PAPOLA: variants seen among roughly 807,000 people sequenced by gnomAD.
PAPOLA encodes poly(A) polymerase alpha.
In PAPOLA, 15 loss-of-function variants were observed where a neutral mutation model predicts 100.6. The observed-to-expected ratio is 0.15, with a 90% confidence interval of 0.10 to 0.23. PAPOLA has a LOEUF of 0.23. Ranked by LOEUF, PAPOLA falls within the 10% of genes least tolerant of loss-of-function variation. The pLI, the probability that PAPOLA is intolerant of heterozygous loss-of-function variation, is 1.00. For missense variants in PAPOLA, 533 were observed against 884.2 expected (o/e 0.60, Z 5.04); for synonymous variants, 293 against 300.0 (o/e 0.98, Z 0.24).
chr14:96,514,824 C>G (rs1897340316), intron 1 of PAPOLA, among the ~76,000 whole-genome samples: 2 of 152,194 alleles, frequency 1.3e-5, no homozygotes, highest in African/African-American at 4.8e-5. Context: ...TAAGGTAAAT[C>G]TGCAGAGATG....
intron 17 of PAPOLA, among the ~76,000 whole-genome samples, chr14:96,554,934 T>G (rs1901173506): frequency 6.6e-6 from 1 of 152,094 alleles, no homozygotes; most frequent in African/African-American, 2.4e-5. Flanking sequence ...ATACTTAGAA[T>G]TTGGGGTAAT....
chr14:96,502,758 C>T, intron 1 of PAPOLA, 158 bp downstream of exon 1: 3 of 691,872 alleles, frequency 4.3e-6, no homozygotes, highest in Non-Finnish European at 6.3e-6. Context: ...TCCTCGCTCG[C>T]TCGCCGCCGC....
In PAPOLA at chr14:96,562,505, C is replaced by T. The variant is rs189751113; in HGVS notation, c.2068-314C>T. On this transcript the variant is annotated intron_variant, in intron 20 of 21. Coordinates refer to ENST00000216277, the MANE Select transcript of PAPOLA (RefSeq NM_032632.5). Reference sequence around the variant, plus strand: ...CTCTGTTATTGTCTGGGCAACATTTCATGATGTGCCTATGTGTGTTTTTAA... The same window carrying T: ...CTCTGTTATTGTCTGGGCAACATTTTATGATGTGCCTATGTGTGTTTTTAA... The T allele has an allele frequency of 4.2e-5, 7 of 168,240 alleles. No individual in the cohort carries two copies. The East Asian group carries it at 1.1e-3, about 27-fold the overall frequency. The allele number at this position is 168,240 out of a possible 1,614,324, so 10.4% of individuals were successfully genotyped here.
intron 12 of PAPOLA, among the ~76,000 whole-genome samples, chr14:96,539,579 A>G (rs976455616): frequency 7.2e-5 from 11 of 152,084 alleles, no homozygotes; most frequent in African/African-American, 2.7e-4. Context: ...AACTATTTTT[A>G]TTGGAAACTA....
intron 4 of PAPOLA, 117 bp downstream of exon 4, chr14:96,525,508 T>C (rs1290374117): frequency 1.9e-6 from 1 of 524,460 alleles, no homozygotes; most frequent in East Asian, 3.4e-5. Context: ...GAGAGAGTGC[T>C]TTGAGGAGTC....
At chr14:96,544,935 A>G (rs1900267927) in intron 15 of PAPOLA, among the ~76,000 whole-genome samples, 1 of 152,098 alleles carries the variant, frequency 6.6e-6, no homozygotes. Flanking sequence ...AAGGTAGTTC[A>G]TTTTAACCAA....
At position 96,547,923 on chromosome 14, in the gene PAPOLA, A is replaced by G; in HGVS notation, c.1521+5A>G. On this transcript the variant is annotated splice_donor_5th_base_variant and intron_variant, in intron 16 of 21. Coordinates refer to ENST00000216277, the MANE Select transcript of PAPOLA (RefSeq NM_032632.5). ...GTGCTTCAGAAAAAGAAAAAGGTAA[A>G]TTTAGAAAGTACTTACAAAAGCATT... is the stretch of plus-strand genomic sequence containing the variant. 1 of 1,597,956 alleles carries G rather than the reference A, an allele frequency of 6.3e-7. No homozygotes were observed. Among genetic ancestry groups the G allele is most frequent in the South Asian group, 1.1e-5 (1 of 87,964 alleles).
rs761516284 is a variant in PAPOLA, at chr14:96,502,543, G to A, written c.-50G>A. The A allele has an allele frequency of 8.9e-6, 13 of 1,460,950 alleles. No homozygotes were observed. Among genetic ancestry groups the A allele is most frequent in the South Asian group, 1.3e-5 (1 of 79,756 alleles). 90.5% of individuals were successfully genotyped at this position (1,460,950 alleles called of 1,614,324 possible). The stretch of plus-strand genomic sequence containing the variant: ...AGTGGATCATGCCCAGGGCGGCAGC[G>A]GCGGCGGTTGCGGGGGGGAAGTGAC... On this transcript the variant is annotated 5_prime_UTR_variant, in exon 1 of 22. Coordinates refer to ENST00000216277, the MANE Select transcript of PAPOLA (RefSeq NM_032632.5).
At chr14:96,512,646 T>A (rs1897179827) in intron 1 of PAPOLA, among the ~76,000 whole-genome samples, 1 of 152,074 alleles carries the variant, frequency 6.6e-6, no homozygotes, top group African/African-American at 2.4e-5. Flanking sequence ...ATTCTGCAAC[T>A]TTTTTTTCTC....
chr14:96,518,172 A>G (rs1476847732), intron 1 of PAPOLA, among the ~76,000 whole-genome samples: 1 of 152,218 alleles, frequency 6.6e-6, no homozygotes, highest in Non-Finnish European at 1.5e-5. Flanking sequence ...TCTGAATTAA[A>G]ATTAAGACAG....
intron 17 of PAPOLA, among the ~76,000 whole-genome samples, chr14:96,554,496 G>A (rs1901123127): frequency 6.6e-6 from 1 of 152,146 alleles, no homozygotes; most frequent in East Asian, 1.9e-4. Context: ...GTTCCCTGTG[G>A]ATGTCATGTA....
intron 13 of PAPOLA, 115 bp from the exon 14 acceptor site, chr14:96,542,659 T>C: frequency 2.0e-6 from 2 of 980,990 alleles, no homozygotes; most frequent in Non-Finnish European, 3.0e-6. Context: ...AACATAAGGC[T>C]TCTGGTTTTA....
rs10533972 is a variant in PAPOLA, at chr14:96,532,284, T to TTG, written c.608-25_608-24dup. The TTG allele has an allele frequency of 6.4e-3, 9,111 of 1,429,908 alleles. 9 individuals are homozygous for TTG. The highest frequency in any genetic ancestry group is 0.014 in the African/African-American group (954 of 67,090). 88.6% of individuals were successfully genotyped at this position (1,429,908 alleles called of 1,614,324 possible). Reference sequence around the variant, plus strand: ...TTGTTTTTTTTTGTTTTGTTTTGTTTTGTGTGTGTGTGTGTGTGTGTGTTT... The same window carrying TTG: ...TTGTTTTTTTTTGTTTTGTTTTGTTTTGTGTGTGTGTGTGTGTGTGTGTGTTT... On this transcript the variant is annotated intron_variant, in intron 7 of 21. Coordinates refer to ENST00000216277, the MANE Select transcript of PAPOLA (RefSeq NM_032632.5).
At chr14:96,551,219 A>C (rs930130014) in intron 16 of PAPOLA, among the ~76,000 whole-genome samples, 2 of 152,222 alleles carry the variant, frequency 1.3e-5, no homozygotes, top group Non-Finnish European at 2.9e-5. Context: ...GTTTATCCCC[A>C]ACAGTGGCCT....
At chr14:96,541,748 T>C (rs1236509920) in intron 12 of PAPOLA, among the ~76,000 whole-genome samples, 2 of 152,176 alleles carry the variant, frequency 1.3e-5, no homozygotes, top group Non-Finnish European at 2.9e-5. Flanking sequence ...CTAACTGCAG[T>C]ATTCAGTTTA....
At chr14:96,542,327 GCAAACTT>G (rs1303244920) in intron 13 of PAPOLA, 31 bp downstream of exon 13, 2 of 1,424,432 alleles carry the variant, frequency 1.4e-6, no homozygotes, top group African/African-American at 2.8e-5. Context: ...TACAGAAAAA[GCAAACTT>G]CAAAATGAAT....
chr14:96,541,603 C>T (rs557396240), intron 12 of PAPOLA, among the ~76,000 whole-genome samples: 4 of 152,030 alleles, frequency 2.6e-5, no homozygotes, highest in Non-Finnish European at 5.9e-5. Context: ...GAAAACTTGG[C>T]TTTTGTCTAA....
chr14:96,547,530 C>T lies in PAPOLA; in HGVS notation c.1400-267C>T, dbSNP rs1566860049. The stretch of plus-strand genomic sequence containing the variant: ...TTCTGCCATTTCTTAAAGAGTTACT[C>T]TTTAGAGTTACTACTTTAAGAGCTA... On this transcript the variant is annotated intron_variant, in intron 15 of 21. Coordinates refer to ENST00000216277, the MANE Select transcript of PAPOLA (RefSeq NM_032632.5). 2.0e-5 allele frequency among the ~76,000 whole-genome samples: 3 copies of T among 152,184 alleles called. No homozygotes were observed. The South Asian group carries it at 6.2e-4, about 32-fold the overall frequency.
rs1484885008 is a variant in PAPOLA, at chr14:96,566,507, T to C, written c.*1457T>C. Reference sequence around the variant, plus strand: ...CCATTGTGCTCCATTCTATCACATGTGCATTTTTCATGTTAAACTGCAATT... The same window carrying C: ...CCATTGTGCTCCATTCTATCACATGCGCATTTTTCATGTTAAACTGCAATT... On this transcript the variant is annotated 3_prime_UTR_variant, in exon 22 of 22. Coordinates refer to ENST00000216277, the MANE Select transcript of PAPOLA (RefSeq NM_032632.5). 6.6e-6 allele frequency: 1 copy of C among 152,582 alleles called. No homozygotes were observed. Among genetic ancestry groups the C allele is most frequent in the Non-Finnish European group, 1.5e-5 (1 of 68,008 alleles). 9.5% of individuals were successfully genotyped at this position (152,582 alleles called of 1,614,324 possible).
Sources: gnomAD v4.1 joint callset for allele counts (sites outside exome capture counted in the v4.1 genomes callset) on GRCh38, gnomAD v4.1.1 for gene constraint, MANE v1.5 for transcripts, NCBI Gene and HGNC (gene_info 2026-07-23, HGNC 2026-07-21) for gene names.